GRID2: variants seen among roughly 807,000 people sequenced by gnomAD.
GRID2 encodes the protein glutamate receptor ionotropic, delta-2.
A neutral mutation model predicts 114.8 loss-of-function variants in GRID2; 33 were observed. That is an observed-to-expected ratio of 0.29 (90% CI 0.22 to 0.38). GRID2 has a LOEUF of 0.38. GRID2 is among the 10% of genes least tolerant of loss of function. The pLI is 1.00. For synonymous variants in GRID2, 505 were observed against 449.9 expected (o/e 1.12, Z -1.55); for missense variants, 1,184 against 1,257.7 (o/e 0.94, Z 0.89).
chr4:92,489,890 T>C (rs932615589), intron 1 of GRID2, among the ~76,000 whole-genome samples: 1 of 150,770 alleles, frequency 6.6e-6, no homozygotes, highest in Non-Finnish European at 1.5e-5. Flanking sequence ...GAGTAAAAGA[T>C]GACTGTTCTT....
Position 93,075,938 on chromosome 4 carries a change from C to G in GRID2, c.245-9057C>G, listed in dbSNP as rs559114260. On this transcript the variant is annotated intron_variant, in intron 2 of 15. Transcript: ENST00000282020. ...TTTTTTTTTGAGATGGAGTCTCGCT[C>G]TGTCACCCAGGCTGAAGTGCAGTGG... Among the ~76,000 whole-genome samples the G allele has an allele frequency of 5.7e-4, 67 of 117,162 alleles. 1 individual carries two copies. In the South Asian group the frequency reaches 6.9e-3, roughly 12 times the overall value. The allele number at this position is 117,162 out of a possible 152,430, so 76.9% of individuals were successfully genotyped here.
chr4:93,015,386 T>C (rs919834521), intron 2 of GRID2, among the ~76,000 whole-genome samples: 2 of 152,188 alleles, frequency 1.3e-5, no homozygotes, highest in African/African-American at 4.8e-5. Context: ...CCACATTGTG[T>C]GGGCACAAGT....
chr4:92,943,038 A>G (rs539557312), intron 2 of GRID2, among the ~76,000 whole-genome samples: 13 of 152,172 alleles, frequency 8.5e-5, no homozygotes, highest in Non-Finnish European at 1.3e-4. Flanking sequence ...GAATCTGACA[A>G]TTATGTGTCT....
intron 9 of GRID2, among the ~76,000 whole-genome samples, chr4:93,396,766 A>G (rs890889189): frequency 1.3e-5 from 2 of 151,980 alleles, no homozygotes; most frequent in African/African-American, 2.4e-5. Context: ...GATACATACA[A>G]TAAGATGTTA....
At chr4:93,722,057 T>C (rs1729425347) in intron 14 of GRID2, among the ~76,000 whole-genome samples, 1 of 151,828 alleles carries the variant, frequency 6.6e-6, no homozygotes, top group Non-Finnish European at 1.5e-5. Flanking sequence ...CAGCTGGGAT[T>C]ACAGGCATCC....
At chr4:93,375,224 T>TG (rs1488525048) in intron 8 of GRID2, among the ~76,000 whole-genome samples, 25 of 150,668 alleles carry the variant, frequency 1.7e-4, no homozygotes, top group African/African-American at 5.1e-4. Flanking sequence ...CTTTTTTTTT[T>TG]TTTTTTTGAG....
chr4:92,821,967 A>G (rs1227326537), intron 2 of GRID2: 2 of 159,616 alleles, frequency 1.3e-5, no homozygotes, highest in Non-Finnish European at 2.7e-5. Flanking sequence ...AAAGAAACCT[A>G]AAGTTCTGCC....
At chr4:93,339,881 A>T (rs986882043) in intron 8 of GRID2, among the ~76,000 whole-genome samples, 5 of 152,122 alleles carry the variant, frequency 3.3e-5, no homozygotes, top group African/African-American at 7.2e-5. Context: ...AGGGGGAAAA[A>T]ACCCTTATAA....
chr4:93,270,036 A>G (rs1176387663), intron 8 of GRID2, among the ~76,000 whole-genome samples: 5 of 152,186 alleles, frequency 3.3e-5, no homozygotes, highest in Non-Finnish European at 1.5e-5. Context: ...AGTAAAGGGA[A>G]CCATTAAAAT....
At chr4:93,017,011 T>C (rs1196696276) in intron 2 of GRID2, among the ~76,000 whole-genome samples, 3 of 152,202 alleles carry the variant, frequency 2.0e-5, no homozygotes, top group Non-Finnish European at 4.4e-5. Context: ...CAGAATTGGG[T>C]GGAAATGTCT....
chr4:93,041,708 A>G (rs1220410757), intron 2 of GRID2, among the ~76,000 whole-genome samples: 1 of 152,144 alleles, frequency 6.6e-6, no homozygotes, highest in East Asian at 1.9e-4. Context: ...TATTGTGCTC[A>G]AAACTCCTGA....
chr4:93,051,785 G>A (rs2870656), intron 2 of GRID2, among the ~76,000 whole-genome samples: 58,876 of 151,788 alleles, frequency 0.39, 11,823 homozygotes, highest in Middle Eastern at 0.52. Context: ...CGTTAAAACT[G>A]TACATGCTGC....
chr4:93,634,842 A>C (rs1036010257), intron 14 of GRID2, among the ~76,000 whole-genome samples: 2 of 152,156 alleles, frequency 1.3e-5, no homozygotes, highest in Non-Finnish European at 2.9e-5. Context: ...AAAATCAAAG[A>C]AGTGCATAAA....
chr4:92,863,524 T>C (rs754176621), intron 2 of GRID2, among the ~76,000 whole-genome samples: 1 of 152,128 alleles, frequency 6.6e-6, no homozygotes, highest in Non-Finnish European at 1.5e-5. Context: ...AGCCTGCTCA[T>C]CTACTCTTCA....
chr4:92,706,021 C>T (rs536737456), intron 2 of GRID2, among the ~76,000 whole-genome samples: 1 of 152,332 alleles, frequency 6.6e-6, no homozygotes, highest in African/African-American at 2.4e-5. Context: ...CTAGACACCT[C>T]ATCAGCCTGC....
intron 1 of GRID2, among the ~76,000 whole-genome samples, chr4:92,364,523 A>G (rs1314361607): frequency 2.6e-5 from 4 of 152,096 alleles, no homozygotes; most frequent in African/African-American, 9.7e-5. Flanking sequence ...GCAATAAGTC[A>G]TTAAGGGTAG....
chr4:92,434,293 TAA>T (rs1436662480), intron 1 of GRID2, among the ~76,000 whole-genome samples: 2 of 152,190 alleles, frequency 1.3e-5, no homozygotes, highest in East Asian at 3.9e-4. Flanking sequence ...AGCAATTTTA[TAA>T]GTTTGTAGAG....
chr4:92,809,960 C>T lies in GRID2; in HGVS notation c.244+219674C>T, dbSNP rs1740591880. 2.0e-5 allele frequency among the ~76,000 whole-genome samples: 3 copies of T among 152,112 alleles called. No individual in the cohort carries two copies. The South Asian group carries it at 6.2e-4, about 32-fold the overall frequency. ...ATGTTCAACAAACGTTGGTCCTGTT[C>T]ACTTTTCATTTTTGAAAATATAGTA... On this transcript the variant is annotated intron_variant, in intron 2 of 15. Transcript: ENST00000282020.
At chr4:92,654,834 C>T (rs1356973869) in intron 2 of GRID2, among the ~76,000 whole-genome samples, 1 of 151,838 alleles carries the variant, frequency 6.6e-6, no homozygotes, top group Non-Finnish European at 1.5e-5. Flanking sequence ...CAAGTATTTT[C>T]TCCCATTGAA....
Sources: gnomAD v4.1 joint callset for allele counts (sites outside exome capture counted in the v4.1 genomes callset) on GRCh38, gnomAD v4.1.1 for gene constraint, MANE v1.5 for transcripts, NCBI Gene and HGNC (gene_info 2026-07-23, HGNC 2026-07-21) for gene names.